Variants in RAB11FIP3 observed in about 807,000 individuals in gnomAD.
RAB11FIP3 encodes the protein rab11 family-interacting protein 3.
RAB11FIP3 carries 17 observed loss-of-function variants against 77.8 expected under a neutral mutation model. The observed-to-expected ratio is 0.22, with a 90% CI of 0.15 to 0.33. RAB11FIP3 has a LOEUF of 0.33. Ranked by LOEUF, RAB11FIP3 falls within the 10% of genes least tolerant of loss-of-function variation. RAB11FIP3 has a pLI of 1.00. For missense variants in RAB11FIP3, 1,005 were observed against 1,011.2 expected, an observed-to-expected ratio of 0.99 and a Z score of 0.08; for synonymous variants, 437 against 448.2, an observed-to-expected ratio of 0.98 and a Z score of 0.31.
At chr16:477,955 T>C (rs1267524663) in intron 3 of RAB11FIP3, among the ~76,000 whole-genome samples, 1 of 152,128 alleles carries the variant, frequency 6.6e-6, no homozygotes, top group Non-Finnish European at 1.5e-5. Context: ...GTGGCCACCT[T>C]GTGAGACGAG....
chr16:499,591 T>C (rs1259629716), intron 6 of RAB11FIP3, among the ~76,000 whole-genome samples: 1 of 150,296 alleles, frequency 6.7e-6, no homozygotes, highest in Non-Finnish European at 1.5e-5. Flanking sequence ...AGGTCAGGAG[T>C]TCAAGAACAG....
chr16:475,649 T>C (rs1450046012), intron 3 of RAB11FIP3, among the ~76,000 whole-genome samples: 9 of 152,136 alleles, frequency 5.9e-5, no homozygotes, highest in Non-Finnish European at 8.8e-5. Flanking sequence ...TCATGAGCTG[T>C]CTGGAACCCC....
intron 2 of RAB11FIP3, among the ~76,000 whole-genome samples, chr16:468,334 GCCA>G: frequency 6.6e-6 from 1 of 151,834 alleles, no homozygotes; most frequent in Non-Finnish European, 1.5e-5. Context: ...AGGCGGTGCT[GCCA>G]TGGCATTGGA....
At position 521,018 on chromosome 16, in the gene RAB11FIP3, G is replaced by A. The variant is rs1029174488; in HGVS notation, c.*179G>A. ...ACCGGGGCTGCCAAAGGGGCAGAGG[G>A]TGGTGGAGAGGAGAGGGAGAAAGGG... is the stretch of plus-strand genomic sequence containing the variant. On this transcript the variant is annotated 3_prime_UTR_variant, in exon 14 of 14. Coordinates refer to ENST00000262305, the MANE Select transcript of RAB11FIP3 (RefSeq NM_014700.4). 1.6e-6 allele frequency: 1 copy of A among 621,118 alleles called. No homozygotes were observed. Among genetic ancestry groups the A allele is most frequent in the Non-Finnish European group, 2.9e-6 (1 of 347,118 alleles). The allele number at this position is 621,118 out of a possible 1,614,324, so 38.5% of individuals were successfully genotyped here.
chr16:447,639 A>G (rs369729644), intron 1 of RAB11FIP3, among the ~76,000 whole-genome samples: 1 of 152,016 alleles, frequency 6.6e-6, no homozygotes, highest in Admixed American at 6.6e-5. Flanking sequence ...TCAGTGGGCT[A>G]AGGCAGGAGA....
chr16:494,439 G>A (rs1012471522), intron 5 of RAB11FIP3, among the ~76,000 whole-genome samples: 76 of 151,352 alleles, frequency 5.0e-4, no homozygotes, highest in African/African-American at 1.3e-3. Flanking sequence ...TGGCTAACAC[G>A]GTGAAACCCC....
rs758362137 is a variant in RAB11FIP3, at chr16:426,742, G to A, written c.714+22G>A. On this transcript the variant is annotated intron_variant, in intron 1 of 13. Coordinates refer to ENST00000262305, the MANE Select transcript of RAB11FIP3 (RefSeq NM_014700.4). This position sits in a 1 kb window ranked among gnomAD's most constrained non-coding sequence, Gnocchi z 5.0. ...GCAGGTACGGAGCGGCCCGGGCCGGGGCGTGGGAACTGGGCAGGTGCGCGC... is the reference window on the plus strand; with the variant it reads ...GCAGGTACGGAGCGGCCCGGGCCGGAGCGTGGGAACTGGGCAGGTGCGCGC... The A allele has an allele frequency of 6.8e-7, 1 of 1,466,542 alleles. No homozygotes were observed. 90.8% of individuals were successfully genotyped at this position (1,466,542 alleles called of 1,614,324 possible).
intron 3 of RAB11FIP3, among the ~76,000 whole-genome samples, chr16:474,421 G>A (rs1709379443): frequency 2.0e-5 from 3 of 152,174 alleles, no homozygotes; most frequent in Non-Finnish European, 4.4e-5. Flanking sequence ...TAACGGGAAA[G>A]TTGCTGCTAT....
intron 4 of RAB11FIP3, among the ~76,000 whole-genome samples, chr16:483,634 A>C (rs550117453): frequency 6.8e-4 from 104 of 152,246 alleles, no homozygotes; most frequent in African/African-American, 2.4e-3. Flanking sequence ...TTGTGGGGAA[A>C]GTCTGCACCC....
At chr16:485,143 G>A (rs1482400226) in intron 4 of RAB11FIP3, among the ~76,000 whole-genome samples, 13 of 152,062 alleles carry the variant, frequency 8.5e-5, no homozygotes, top group Non-Finnish European at 7.4e-5. Context: ...CGCAGCCCCC[G>A]TGGCAACTGC....
chr16:493,730 C>T (rs201528351), intron 5 of RAB11FIP3, among the ~76,000 whole-genome samples: 2,161 of 125,804 alleles, frequency 0.017, no homozygotes, highest in Middle Eastern at 0.13. Context: ...CCTCAGCCTC[C>T]CGAGTAGCTG....
At chr16:454,023 G>A (rs560729042) in intron 1 of RAB11FIP3, among the ~76,000 whole-genome samples, 64 of 152,230 alleles carry the variant, frequency 4.2e-4, no homozygotes, top group Admixed American at 1.2e-3. Flanking sequence ...TAAACACACC[G>A]TAGCTTTTAA....
intron 1 of RAB11FIP3, among the ~76,000 whole-genome samples, chr16:437,777 T>A (rs911343548): frequency 6.6e-6 from 1 of 152,136 alleles, no homozygotes; most frequent in Non-Finnish European, 1.5e-5. Flanking sequence ...TGAAAAGAAT[T>A]GTACTAATTG....
At position 461,397 on chromosome 16, in the gene RAB11FIP3, A is replaced by G; in HGVS notation, c.715-7A>G. 1.7e-5 allele frequency: 28 copies of G among 1,612,316 alleles called. No homozygotes were observed. The highest frequency in any genetic ancestry group is 2.2e-5 in the East Asian group (1 of 44,720). On this transcript the variant is annotated splice_region_variant and splice_polypyrimidine_tract_variant and intron_variant, in intron 1 of 13. Coordinates refer to ENST00000262305, the MANE Select transcript of RAB11FIP3 (RefSeq NM_014700.4). This position sits in a 1 kb window ranked among gnomAD's most constrained non-coding sequence, Gnocchi z 4.5. ...TAGGGTAACCTAGTCTCATTTGGCA[A>G]TTACAGGTGAAGGACTTAACTAAGT...
chr16:486,619 T>C (rs2056159132), intron 4 of RAB11FIP3, among the ~76,000 whole-genome samples: 1 of 152,246 alleles, frequency 6.6e-6, no homozygotes, highest in South Asian at 2.1e-4. Context: ...GTTGGGCGTC[T>C]GGGTGCAGAC....
chr16:456,241 G>A (rs2055501137), intron 1 of RAB11FIP3, among the ~76,000 whole-genome samples: 1 of 152,044 alleles, frequency 6.6e-6, no homozygotes, highest in African/African-American at 2.4e-5. Flanking sequence ...CTTGAAGTCA[G>A]GAGTTCGAGA....
chr16:455,011 C>G (rs1446623989), intron 1 of RAB11FIP3, among the ~76,000 whole-genome samples: 1 of 147,458 alleles, frequency 6.8e-6, no homozygotes, highest in Non-Finnish European at 1.5e-5. Flanking sequence ...GATTGCACTA[C>G]TGCACTCCAG....
At chr16:516,412 C>T (rs945882053) in intron 9 of RAB11FIP3, among the ~76,000 whole-genome samples, 1 of 152,180 alleles carries the variant, frequency 6.6e-6, no homozygotes, top group Non-Finnish European at 1.5e-5. Flanking sequence ...ACACTAAAAA[C>T]CCCCCATGAG....
At chr16:466,037 A>G (rs1347859191) in intron 2 of RAB11FIP3, among the ~76,000 whole-genome samples, 2 of 152,116 alleles carry the variant, frequency 1.3e-5, no homozygotes, top group Non-Finnish European at 2.9e-5. Flanking sequence ...GTTACAACCC[A>G]TTTCCTCGGT....
Sources: allele counts gnomAD v4.1 joint callset (sites outside exome capture counted in the v4.1 genomes callset), GRCh38; gene constraint gnomAD v4.1.1; non-coding constraint Gnocchi (gnomAD v3.1); transcripts MANE v1.5; gene names NCBI Gene and HGNC (gene_info 2026-07-23, HGNC 2026-07-21).